BCL7C: variants seen among roughly 807,000 people sequenced by gnomAD.
BCL7C encodes the protein B-cell CLL/lymphoma 7 protein family member C.
BCL7C carries 8 observed loss-of-function variants against 26.2 expected under a neutral mutation model. The ratio of observed to expected loss-of-function variants is 0.30; its 90% CI spans 0.18 to 0.55. The LOEUF (loss-of-function observed/expected upper bound fraction) is 0.55, where lower values mean the gene tolerates loss of function less well. BCL7C is among the 20% of genes least tolerant of loss of function. The probability of loss-of-function intolerance (pLI) is 0.93; values close to 1 mark genes in which losing one functional copy is unlikely to be tolerated. For missense variants in BCL7C, 262 were observed against 298.5 expected (o/e 0.88, Z 0.90); for synonymous variants, 90 against 116.5 (o/e 0.77, Z 1.47).
downstream of BCL7C, among the ~76,000 whole-genome samples, chr16:30,886,397 G>A (rs2055133597): frequency 6.6e-6 from 1 of 152,110 alleles, no homozygotes; most frequent in Non-Finnish European, 1.5e-5. Flanking sequence ...ACAGAGCCAG[G>A]ACTTGAACCA....
In BCL7C at chr16:30,887,972, C is replaced by G. The variant is rs2055161312; in HGVS notation, c.547G>C (p.Val183Leu). ...GGGACAGGTGGCACTGGCTCAAAGA[C>G]AGGGTAAGCTTCGGGGGCCTGGAGA... is the stretch of plus-strand genomic sequence containing the variant. The part of the protein sequence containing the change: ...LEAEAPEAYP[V>L]FEPVPPVPEA... The change falls in exon 6 of 6, where the codon GTC becomes CTC. Residue 183 changes from valine to leucine, a missense_variant. Transcript: ENST00000215115. 1.2e-6 allele frequency: 2 copies of G among 1,606,724 alleles called. No homozygotes were observed. The highest frequency in any genetic ancestry group is 4.6e-5 in the East Asian group (2 of 43,924).
chr16:30,853,079 A>C (rs922942258), intron 5 of BCL7C, among the ~76,000 whole-genome samples: 1 of 151,264 alleles, frequency 6.6e-6, no homozygotes, highest in Non-Finnish European at 1.5e-5. Context: ...GGGATTACAG[A>C]CATGCGCCAC....
intron 5 of BCL7C, among the ~76,000 whole-genome samples, chr16:30,855,889 C>T (rs1479470543): frequency 2.7e-5 from 4 of 150,706 alleles, no homozygotes; most frequent in African/African-American, 7.3e-5. Flanking sequence ...GGAAAAACCC[C>T]GTCTCTACTA....
intron 5 of BCL7C, among the ~76,000 whole-genome samples, chr16:30,849,401 T>C (rs1403473649): frequency 6.6e-6 from 1 of 152,064 alleles, no homozygotes; most frequent in East Asian, 1.9e-4. Flanking sequence ...ACAATTTTTG[T>C]CTTAAATTCT....
chr16:30,881,412 A>ACACACACT, intron 5 of BCL7C, among the ~76,000 whole-genome samples: 1 of 152,072 alleles, frequency 6.6e-6, no homozygotes, highest in South Asian at 2.1e-4. Context: ...ACACACACAC[A>ACACACACT]CACACACACA....
rs1372184471 is a variant in BCL7C, at chr16:30,888,120, C to G, written c.529-130G>C. 86 of 861,260 alleles carry G rather than the reference C, an allele frequency of 1.0e-4. 1 individual carries two copies. Among genetic ancestry groups the G allele is most frequent in the Non-Finnish European group, 3.5e-6 (2 of 575,234 alleles). The allele number at this position is 861,260 out of a possible 1,614,324, so 53.4% of individuals were successfully genotyped here. On this transcript the variant is annotated intron_variant, in intron 5 of 5. Transcript: ENST00000215115. ...GGGAGGCAAGCCCAGGGCCAGATGC[C>G]CAGGATGCAGAGGAAGCAGGCACCA...
intron 5 of BCL7C, among the ~76,000 whole-genome samples, chr16:30,871,869 A>C (rs879350027): frequency 1.3e-5 from 2 of 152,184 alleles, no homozygotes; most frequent in Non-Finnish European, 2.9e-5. Flanking sequence ...GAGTGAGACC[A>C]GATGGACCCT....
chr16:30,879,736 T>A (rs2055013727), intron 5 of BCL7C, among the ~76,000 whole-genome samples: 1 of 123,838 alleles, frequency 8.1e-6, no homozygotes, highest in South Asian at 3.0e-4. Context: ...ACATCTGTAA[T>A]CCCAGCACTT....
In BCL7C at chr16:30,892,899, C is replaced by T. The variant is rs781611007; in HGVS notation, c.221G>A (p.Arg74His). 10 of 1,612,992 alleles carry T rather than the reference C, an allele frequency of 6.2e-6. No individual in the cohort carries two copies. The South Asian group carries it at 8.8e-5, about 14-fold the overall frequency. ...GGAERSRGRE[R>H]RGRGASPRGG... ...TCGGGGACTGGCGCCCCTGCCCCGACGTTCCCGGCCACGGGATCTCTCTGC... is the reference window on the plus strand; with the variant it reads ...TCGGGGACTGGCGCCCCTGCCCCGATGTTCCCGGCCACGGGATCTCTCTGC... The change falls in exon 3 of 6, where the codon CGT (arginine) becomes CAT (histidine). Residue 74 changes from arginine (R) to histidine (H), a missense_variant. By Grantham distance (29) the Arg-to-His change is conservative (BLOSUM62 0). Transcript: ENST00000215115.
At chr16:30,885,914 C>T (rs1300567037), downstream of BCL7C, among the ~76,000 whole-genome samples, 1 of 152,150 alleles carries the variant, frequency 6.6e-6, no homozygotes. Flanking sequence ...CACAGTGGTG[C>T]AATCATCACT....
intron 5 of BCL7C, among the ~76,000 whole-genome samples, chr16:30,879,217 C>T (rs12926295): frequency 0.48 from 73,550 of 151,934 alleles, 22,095 homozygotes; most frequent in East Asian, 0.91. Flanking sequence ...CTTGGTCATG[C>T]TAGATTCTCC....
chr16:30,853,021 C>T (rs746843254), intron 5 of BCL7C, among the ~76,000 whole-genome samples: 4 of 151,806 alleles, frequency 2.6e-5, no homozygotes, highest in East Asian at 2.0e-4. Flanking sequence ...CCGCACCCTC[C>T]GCCTCCTGTG....
intron 5 of BCL7C, among the ~76,000 whole-genome samples, chr16:30,857,579 T>C (rs1019251404): frequency 1.3e-5 from 2 of 152,106 alleles, no homozygotes; most frequent in Non-Finnish European, 2.9e-5. Context: ...TTACCAAGAT[T>C]GCTGTGGACC....
intron 5 of BCL7C, among the ~76,000 whole-genome samples, chr16:30,847,657 A>G (rs569482163): frequency 2.6e-5 from 4 of 152,186 alleles, no homozygotes; most frequent in Admixed American, 2.6e-4. Context: ...TTAGCCGGGC[A>G]TGATGGTGCA....
At position 30,893,772 on chromosome 16, in the gene BCL7C, A is replaced by C. The variant is rs1052362011; in HGVS notation, c.92+81T>G. 3.9e-6 allele frequency: 5 copies of C among 1,291,340 alleles called. No homozygotes were observed. The highest frequency in any genetic ancestry group is 5.5e-6 in the Non-Finnish European group (5 of 908,442). The allele number at this position is 1,291,340 out of a possible 1,614,324, so 80.0% of individuals were successfully genotyped here. A position where few individuals can be genotyped will look rare whatever the true frequency, so the allele number is the denominator to read the frequency against. ...GAGATACACCGAACACCCGGGGCCC[A>C]GAGCTGGCGAGGGCAGCGTAGACGC... On this transcript the variant is annotated intron_variant, in intron 1 of 5. Transcript: ENST00000215115. The surrounding 1 kb of genome is among the most constrained non-coding windows in gnomAD (Gnocchi z 5.2).
At chr16:30,866,552 G>C (rs543976473) in intron 5 of BCL7C, among the ~76,000 whole-genome samples, 1 of 148,172 alleles carries the variant, frequency 6.7e-6, no homozygotes, top group South Asian at 2.2e-4. Flanking sequence ...ACTCCAGCCT[G>C]GCCAAAATAG....
intron 5 of BCL7C, chr16:30,852,055 G>A (rs145331121): frequency 4.5e-4 from 71 of 158,608 alleles, no homozygotes; most frequent in African/African-American, 1.7e-3. Context: ...GCAACTTCTT[G>A]TGTAGTTTTA....
chr16:30,863,419 G>C (rs2054795085), intron 5 of BCL7C, among the ~76,000 whole-genome samples: 1 of 152,138 alleles, frequency 6.6e-6, no homozygotes, highest in Non-Finnish European at 1.5e-5. Flanking sequence ...TATATGGGCT[G>C]AAAGAGGTTT....
intron 5 of BCL7C, among the ~76,000 whole-genome samples, chr16:30,852,489 CTT>C (rs1286491720): frequency 2.5e-4 from 34 of 136,872 alleles, no homozygotes; most frequent in Admixed American, 3.0e-4. Flanking sequence ...AACTTTATAA[CTT>C]TTTTTTTTTT....
Sources: gnomAD v4.1 joint callset for allele counts (sites outside exome capture counted in the v4.1 genomes callset) on GRCh38, gnomAD v4.1.1 for gene constraint, Gnocchi (gnomAD v3.1) non-coding constraint, MANE v1.5 for transcripts, NCBI Gene and HGNC (gene_info 2026-07-23, HGNC 2026-07-21) for gene names.